Variants in LRMDA observed in about 807,000 individuals in gnomAD.
LRMDA encodes the protein leucine-rich melanocyte differentiation-associated protein.
In LRMDA, 18 loss-of-function variants were observed where a neutral mutation model predicts 29.8. The observed-to-expected ratio is 0.60, with a 90% confidence interval of 0.42 to 0.90. The LOEUF is 0.90. Among genes scored for constraint, LRMDA ranks in the 40% least tolerant of loss-of-function variants. The probability of loss-of-function intolerance (pLI) is 0.00; values close to 1 mark genes in which losing one functional copy is unlikely to be tolerated. For missense variants in LRMDA, 273 were observed against 273.9 expected, an observed-to-expected ratio of 1.00 and a Z score of 0.02; for synonymous variants, 125 against 109.4, an observed-to-expected ratio of 1.14 and a Z score of -0.89.
At chr10:75,881,332 C>T (rs931138841) in intron 2 of LRMDA, among the ~76,000 whole-genome samples, 3 of 152,082 alleles carry the variant, frequency 2.0e-5, no homozygotes, top group African/African-American at 7.2e-5. Flanking sequence ...GATGTAAAGT[C>T]ACAATAGGGA....
chr10:75,800,202 T>A (rs577887557), intron 2 of LRMDA, among the ~76,000 whole-genome samples: 18 of 152,342 alleles, frequency 1.2e-4, no homozygotes, highest in Admixed American at 4.6e-4. Flanking sequence ...TATGTCTTCC[T>A]GATTATCATC....
At chr10:76,347,629 G>A (rs1318910974) in intron 6 of LRMDA, among the ~76,000 whole-genome samples, 1 of 152,098 alleles carries the variant, frequency 6.6e-6, no homozygotes, top group East Asian at 1.9e-4. Flanking sequence ...AAAAATCACC[G>A]AGTGCAGCAC....
chr10:75,735,670 A>C (rs773883199), intron 2 of LRMDA, among the ~76,000 whole-genome samples: 1 of 152,048 alleles, frequency 6.6e-6, no homozygotes, highest in Non-Finnish European at 1.5e-5. Context: ...CCCAGAGTAC[A>C]TGTTTCAGAT....
intron 2 of LRMDA, among the ~76,000 whole-genome samples, chr10:75,541,358 G>A (rs1470422205): frequency 7.0e-6 from 1 of 143,746 alleles, no homozygotes; most frequent in Non-Finnish European, 1.5e-5. Flanking sequence ...GGGAATATTT[G>A]TTTTTAAGTC....
At chr10:76,325,569 T>C (rs992012540) in intron 6 of LRMDA, among the ~76,000 whole-genome samples, 8 of 152,224 alleles carry the variant, frequency 5.3e-5, no homozygotes, top group African/African-American at 1.9e-4. Context: ...AGACTGTTTT[T>C]GGGGGAATTT....
intron 6 of LRMDA, among the ~76,000 whole-genome samples, chr10:76,359,235 T>A (rs1262072957): frequency 6.6e-6 from 1 of 152,196 alleles, no homozygotes; most frequent in Non-Finnish European, 1.5e-5. Context: ...GGTTATTTCA[T>A]CATTCATTCC....
chr10:76,294,030 A>C (rs1840382240), intron 5 of LRMDA, among the ~76,000 whole-genome samples: 1 of 152,196 alleles, frequency 6.6e-6, no homozygotes, highest in Non-Finnish European at 1.5e-5. Flanking sequence ...CAGTAAATAC[A>C]CTTTCCCACT....
intron 5 of LRMDA, among the ~76,000 whole-genome samples, chr10:76,084,315 A>G (rs1266873868): frequency 2.0e-5 from 3 of 150,022 alleles, no homozygotes; most frequent in Middle Eastern, 7.0e-3. Flanking sequence ...CTCCTGCCTC[A>G]GCCTCCCAGG....
intron 2 of LRMDA, among the ~76,000 whole-genome samples, chr10:76,031,142 G>T (rs1848141653): frequency 6.6e-6 from 1 of 152,230 alleles, no homozygotes; most frequent in South Asian, 2.1e-4. Context: ...GCTGTAGTGG[G>T]CATTGGCCTC....
intron 2 of LRMDA, among the ~76,000 whole-genome samples, chr10:75,913,036 A>T (rs547180550): frequency 6.6e-6 from 1 of 152,344 alleles, no homozygotes; most frequent in South Asian, 2.1e-4. Context: ...TTAGAGATGC[A>T]TCATGACTTT....
rs1257169152 is a variant in LRMDA at position 76,058,687 on chromosome 10, G to T, written c.420G>T (p.Leu140=). ...KRYRCFVLYK[L]PNLKFLDAQK... ...CCAGATGCTTTGTTCTGTACAAGCT[G>T]CCCAACTTGAAATTTCTGGATGCCC... is the stretch of plus-strand genomic sequence containing the variant. Residue 140 remains leucine, a synonymous_variant, in exon 5 of 7, where the codon CTG becomes CTT. Transcript: ENST00000611255. 3 of 1,613,978 alleles carry T rather than the reference G, an allele frequency of 1.9e-6. No individual in the cohort carries two copies. The highest frequency in any genetic ancestry group is 1.7e-5 in the Admixed American group (1 of 59,998).
chr10:76,532,385 A>C (rs146524715), intron 6 of LRMDA, among the ~76,000 whole-genome samples: 12 of 152,348 alleles, frequency 7.9e-5, no homozygotes, highest in Middle Eastern at 3.4e-3. Flanking sequence ...TAAACAGAGA[A>C]AGTTAGTTCC....
intron 2 of LRMDA, among the ~76,000 whole-genome samples, chr10:75,515,928 C>T (rs746771870): frequency 6.6e-6 from 1 of 152,106 alleles, no homozygotes; most frequent in Non-Finnish European, 1.5e-5. Flanking sequence ...GTGTTCAGTT[C>T]CCACCTATGA....
At chr10:75,623,976 T>G (rs1477142897) in intron 2 of LRMDA, among the ~76,000 whole-genome samples, 3 of 152,210 alleles carry the variant, frequency 2.0e-5, no homozygotes, top group Non-Finnish European at 4.4e-5. Context: ...AATATCACTT[T>G]TCAACTGTGC....
At chr10:76,335,745 C>T (rs1362766750) in intron 6 of LRMDA, among the ~76,000 whole-genome samples, 4 of 152,110 alleles carry the variant, frequency 2.6e-5, no homozygotes, top group African/African-American at 9.7e-5. Flanking sequence ...TAGAAAGGAA[C>T]AGCTGGGTGA....
chr10:75,811,616 G>T (rs1224789474), intron 2 of LRMDA, among the ~76,000 whole-genome samples: 1 of 152,190 alleles, frequency 6.6e-6, no homozygotes, highest in Non-Finnish European at 1.5e-5. Flanking sequence ...AAATCTGTTT[G>T]CTTATTAAAT....
chr10:76,327,178 G>A (rs546005030), intron 6 of LRMDA, among the ~76,000 whole-genome samples: 12 of 146,090 alleles, frequency 8.2e-5, no homozygotes, highest in South Asian at 2.2e-4. Flanking sequence ...TGCAACCTCC[G>A]CCTCCTGGGT....
At chr10:75,862,229 A>G (rs1479504817) in intron 2 of LRMDA, among the ~76,000 whole-genome samples, 1 of 151,362 alleles carries the variant, frequency 6.6e-6, no homozygotes, top group East Asian at 1.9e-4. Context: ...AGTCAGTTTA[A>G]TGTTTGAGCA....
intron 5 of LRMDA, among the ~76,000 whole-genome samples, chr10:76,063,323 A>G (rs950917825): frequency 3.9e-5 from 6 of 152,202 alleles, no homozygotes; most frequent in Admixed American, 1.3e-4. Context: ...CAGTGTGTTC[A>G]AACGTATGTT....
Sources: gnomAD v4.1 joint callset for allele counts (sites outside exome capture counted in the v4.1 genomes callset) on GRCh38, gnomAD v4.1.1 for gene constraint, MANE v1.5 for transcripts, NCBI Gene and HGNC (gene_info 2026-07-23, HGNC 2026-07-21) for gene names.